The following NKAIN2 variants were observed in gnomAD, a reference collection of about 807,000 sequenced individuals.
NKAIN2 encodes the protein sodium/potassium-transporting ATPase subunit beta-1-interacting protein 2.
A neutral mutation model predicts 32.6 loss-of-function variants in NKAIN2; 14 were observed. The ratio of observed to expected loss-of-function variants is 0.43; its 90% confidence interval spans 0.28 to 0.67. NKAIN2 has a LOEUF of 0.67. NKAIN2 is among the 30% of genes least tolerant of loss of function. NKAIN2 has a pLI of 0.17. For missense variants in NKAIN2, 198 were observed against 258.3 expected (o/e 0.77, Z 1.60); for synonymous variants, 80 against 87.2 (o/e 0.92, Z 0.46).
intron 3 of NKAIN2, among the ~76,000 whole-genome samples, chr6:124,567,055 T>C (rs1388951081): frequency 6.6e-6 from 1 of 152,234 alleles, no homozygotes; most frequent in Non-Finnish European, 1.5e-5. Flanking sequence ...CTCTGACCTT[T>C]TAACATTTTC....
At chr6:124,418,159 T>G (rs1774578602) in intron 3 of NKAIN2, among the ~76,000 whole-genome samples, 1 of 122,452 alleles carries the variant, frequency 8.2e-6, no homozygotes, top group Admixed American at 7.4e-5. Context: ...CTGTGTGGAC[T>G]GTGTGTGTGT....
At chr6:124,397,042 A>G (rs1335663082) in intron 3 of NKAIN2, among the ~76,000 whole-genome samples, 1 of 152,274 alleles carries the variant, frequency 6.6e-6, no homozygotes, top group South Asian at 2.1e-4. Flanking sequence ...TATTAACAGT[A>G]GTGGTTGATA....
intron 4 of NKAIN2, among the ~76,000 whole-genome samples, chr6:124,717,423 G>T (rs1281225926): frequency 6.6e-6 from 1 of 152,070 alleles, no homozygotes; most frequent in Non-Finnish European, 1.5e-5. Flanking sequence ...GGTATCAATG[G>T]TTGAATCCCA....
chr6:124,778,526 T>C (rs1779085984), intron 4 of NKAIN2, among the ~76,000 whole-genome samples: 1 of 151,956 alleles, frequency 6.6e-6, no homozygotes, highest in Non-Finnish European at 1.5e-5. Context: ...AAAATTTTAA[T>C]GATATAATAA....
At chr6:124,384,335 G>A (rs190033320) in intron 3 of NKAIN2, among the ~76,000 whole-genome samples, 98 of 152,222 alleles carry the variant, frequency 6.4e-4, no homozygotes, top group African/African-American at 2.3e-3. Context: ...TAAAAAAGCT[G>A]ACATGAGCAA....
chr6:124,640,625 C>T (rs929679761), intron 3 of NKAIN2, among the ~76,000 whole-genome samples: 4 of 152,112 alleles, frequency 2.6e-5, no homozygotes, highest in Admixed American at 6.6e-5. Context: ...CTTTCATTAT[C>T]GTAACCAGCT....
chr6:124,399,789 C>T (rs1773550227), intron 3 of NKAIN2, among the ~76,000 whole-genome samples: 1 of 152,126 alleles, frequency 6.6e-6, no homozygotes, highest in South Asian at 2.1e-4. Flanking sequence ...AAAAATTGTT[C>T]CTGACAAATG....
intron 2 of NKAIN2, among the ~76,000 whole-genome samples, chr6:124,283,860 A>G (rs554947030): frequency 6.6e-6 from 1 of 152,166 alleles, no homozygotes; most frequent in East Asian, 1.9e-4. Flanking sequence ...TATTTTTGAC[A>G]AAGGAAATGT....
chr6:124,685,220 G>C (rs1773809767), intron 4 of NKAIN2, among the ~76,000 whole-genome samples: 1 of 152,100 alleles, frequency 6.6e-6, no homozygotes, highest in African/African-American at 2.4e-5. Flanking sequence ...CATGTGGAAG[G>C]TCACTATAGA....
chr6:124,146,311 AAAT>A, intron 1 of NKAIN2, among the ~76,000 whole-genome samples: 1 of 152,342 alleles, frequency 6.6e-6, no homozygotes, highest in Non-Finnish European at 1.5e-5. Flanking sequence ...CAATTAGAAA[AAAT>A]AATTTACTAA....
At chr6:124,731,170 A>T (rs1190336426) in intron 4 of NKAIN2, among the ~76,000 whole-genome samples, 2 of 103,916 alleles carry the variant, frequency 1.9e-5, no homozygotes, top group Non-Finnish European at 3.9e-5. Flanking sequence ...TCAGGGATCT[A>T]GAACTGGAAA....
At chr6:124,237,186 T>C (rs1030297567) in intron 1 of NKAIN2, among the ~76,000 whole-genome samples, 2 of 152,104 alleles carry the variant, frequency 1.3e-5, no homozygotes, top group Non-Finnish European at 2.9e-5. Context: ...GATATAAATC[T>C]AGTAGAATCA....
intron 3 of NKAIN2, among the ~76,000 whole-genome samples, chr6:124,568,089 C>T (rs1299198255): frequency 6.6e-6 from 1 of 152,196 alleles, no homozygotes; most frequent in East Asian, 1.9e-4. Flanking sequence ...AGGTTTGGAA[C>T]TGGGTCACTG....
intron 1 of NKAIN2, among the ~76,000 whole-genome samples, chr6:124,101,196 T>C (rs931436817): frequency 2.0e-5 from 3 of 152,056 alleles, no homozygotes; most frequent in African/African-American, 4.8e-5. Context: ...CCCTCTAAGA[T>C]GGACATTAAA....
intron 2 of NKAIN2, among the ~76,000 whole-genome samples, chr6:124,284,866 A>G (rs1323002468): frequency 6.6e-6 from 1 of 152,024 alleles, no homozygotes; most frequent in East Asian, 1.9e-4. Context: ...TAGATGTTGG[A>G]TGAACTATTT....
intron 4 of NKAIN2, among the ~76,000 whole-genome samples, chr6:124,674,090 T>A (rs1773240532): frequency 1.3e-5 from 2 of 152,002 alleles, no homozygotes; most frequent in East Asian, 1.9e-4. Flanking sequence ...TTACTTAACA[T>A]CATTTGTTGT....
intron 1 of NKAIN2, among the ~76,000 whole-genome samples, chr6:124,214,622 AC>A (rs898871690): frequency 1.8e-4 from 27 of 152,050 alleles, no homozygotes; most frequent in Admixed American, 7.2e-4. Flanking sequence ...GCTCACTTGA[AC>A]CCAGGAGGTG....
chr6:123,818,739 T>C (rs184936277), intron 1 of NKAIN2, among the ~76,000 whole-genome samples: 4 of 152,302 alleles, frequency 2.6e-5, no homozygotes, highest in Non-Finnish European at 5.9e-5. Context: ...GCATCTTAAA[T>C]TGCCTTTCTC....
chr6:123,805,854 T>A (rs113581168), intron 1 of NKAIN2, among the ~76,000 whole-genome samples: 166 of 148,384 alleles, frequency 1.1e-3, no homozygotes, highest in African/African-American at 3.9e-3. Flanking sequence ...TAGATCATTC[T>A]TATGCTCTTT....
Sources: gnomAD v4.1 joint callset for allele counts (sites outside exome capture counted in the v4.1 genomes callset) on GRCh38, gnomAD v4.1.1 for gene constraint, MANE v1.5 for transcripts, NCBI Gene and HGNC (gene_info 2026-07-23, HGNC 2026-07-21) for gene names.